The following OGDHL variants were observed in gnomAD, a reference collection of about 807,000 sequenced individuals.
The protein encoded by OGDHL is oxoglutarate dehydrogenase L.
A neutral mutation model predicts 109.6 loss-of-function variants in OGDHL; 79 were observed. The ratio of observed to expected loss-of-function variants is 0.72; its 90% CI spans 0.60 to 0.87. The LOEUF is 0.87. Ranked by LOEUF, OGDHL falls within the 40% of genes least tolerant of loss-of-function variation. The pLI, the probability that OGDHL is intolerant of heterozygous loss-of-function variation, is 0.00. For synonymous variants in OGDHL, 528 were observed against 537.2 expected (o/e 0.98, Z 0.24); for missense variants, 1,275 against 1,362.2 (o/e 0.94, Z 1.01).
rs7084782 is a variant in OGDHL, at chr10:49,750,811, G to A, written c.896+28C>T. 1.8e-3 allele frequency: 2,776 copies of A among 1,585,878 alleles called. 37 individuals carry two copies. In the African/African-American group the frequency reaches 0.028, roughly 16 times the overall value. Reference sequence around the variant, plus strand: ...TGTCCCCTGGGCTGGAGGAGAATGCGCAAGGCACAGCAGGGAGGGGGACCC... The same window carrying A: ...TGTCCCCTGGGCTGGAGGAGAATGCACAAGGCACAGCAGGGAGGGGGACCC... On this transcript the variant is annotated intron_variant, in intron 7 of 22. Coordinates refer to ENST00000374103, the MANE Select transcript of OGDHL (RefSeq NM_018245.3).
chr10:49,742,402 C>T, intron 15 of OGDHL, among the ~76,000 whole-genome samples: 1 of 141,176 alleles, frequency 7.1e-6, no homozygotes. Flanking sequence ...CCACACACAC[C>T]ACACACACCA....
chr10:49,736,313 G>A lies in OGDHL; in HGVS notation c.2754+44C>T, dbSNP rs781154021. 15 of 1,608,600 alleles carry A rather than the reference G, an allele frequency of 9.3e-6. No homozygotes were observed. In the East Asian group the frequency reaches 1.6e-4, roughly 17 times the overall value. On this transcript the variant is annotated intron_variant, in intron 21 of 22. Transcript: ENST00000374103. ...ATTGGCCAGAGCCGGGGCCAGCGAC[G>A]TGAGCTTGCCCATCACTTGACTGTA...
Position 49,737,844 on chromosome 10 carries a change from T to C in OGDHL, c.2532A>G (p.Thr844=). 1 of 1,614,006 alleles carries C rather than the reference T, an allele frequency of 6.2e-7. No homozygotes were observed. The highest frequency in any genetic ancestry group is 8.5e-7 in the Non-Finnish European group (1 of 1,179,984). The part of the protein sequence containing the change: ...LPFRKPLIIF[T]PKSLLRHPEA... The stretch of plus-strand genomic sequence containing the variant: ...CTGGGTGCCTCAGCAGAGATTTAGG[T>C]GTGAAGATAATCAGCTGGAAGGGAA... The change falls in exon 20 of 23, where the codon ACA becomes ACG. Residue 844 remains threonine, a synonymous_variant. Coordinates refer to ENST00000374103, the MANE Select transcript of OGDHL (RefSeq NM_018245.3).
At chr10:49,740,634 C>T in intron 16 of OGDHL, 76 bp downstream of exon 16, 2 of 1,537,666 alleles carry the variant, frequency 1.3e-6, no homozygotes, top group Admixed American at 1.9e-5. Context: ...AGGCCCTGGC[C>T]CCGGTCCCTT....
chr10:49,742,556 C>T (rs1007469336), intron 15 of OGDHL, among the ~76,000 whole-genome samples: 11 of 122,910 alleles, frequency 8.9e-5, no homozygotes, highest in African/African-American at 3.1e-4. Context: ...ACAACTCGCC[C>T]ACACTCACCA....
Position 49,748,246 on chromosome 10 carries a change from C to T in OGDHL, c.988-1038G>A, listed in dbSNP as rs112277673. ...TTTAGCTGTAAGAAGCCTGGGGTAG[C>T]CCATGTGTGCAGGCAGGAAACAATG... On this transcript the variant is annotated intron_variant, in intron 8 of 22. Transcript: ENST00000374103. Among the ~76,000 whole-genome samples the T allele has an allele frequency of 6.8e-3, 1,041 of 152,286 alleles. 13 individuals carry two copies. The highest frequency in any genetic ancestry group is 0.022 in the African/African-American group (921 of 41,554).
At chr10:49,739,938 C>T in intron 16 of OGDHL, 99 bp from the exon 17 acceptor site, 2 of 1,257,538 alleles carry the variant, frequency 1.6e-6, no homozygotes, top group Non-Finnish European at 2.2e-6. Context: ...CATGCCCCCA[C>T]CCATCCTTCT....
intron 2 of OGDHL, 51 bp from the exon 3 acceptor site, chr10:49,756,997 C>A: frequency 6.4e-7 from 1 of 1,567,040 alleles, no homozygotes; most frequent in South Asian, 1.2e-5. Flanking sequence ...TGGGAAGAGT[C>A]AGGGGTGGCC....
chr10:49,758,335 C>T, intron 2 of OGDHL, 54 bp downstream of exon 2: 3 of 1,540,216 alleles, frequency 1.9e-6, no homozygotes, highest in Non-Finnish European at 2.6e-6. Flanking sequence ...CACAGCCCGG[C>T]CCCCGAGGGC....
rs371606512 is a variant in OGDHL, at chr10:49,736,128, G to A, written c.2804C>T (p.Pro935Leu). ...CTGACACCAGGCCAGCTCCGCACCT[G>A]GGTACTTCTCTGCCTCCTGCTTGAT... ...DLIKQEAEKY[P>L]GAELAWCQEE... The change falls in exon 22 of 23, where the codon CCA becomes CTA. Residue 935 changes from proline to leucine, a missense_variant. By Grantham distance (98) the Pro-to-Leu change is moderately conservative (BLOSUM62 -3). Transcript: ENST00000374103. 2.5e-6 allele frequency: 4 copies of A among 1,610,906 alleles called. No homozygotes were observed. In the African/African-American group the frequency reaches 4.0e-5, roughly 16 times the overall value.
rs1440093400 is a variant in OGDHL at position 49,749,808 on chromosome 10, A to G, written c.905T>C (p.Leu302Pro). The change falls in exon 8 of 23, where the codon CTG (leucine) becomes CCG (proline). Residue 302 changes from leucine to proline, a missense_variant. Leu to Pro is a moderately conservative substitution (Grantham distance 98, BLOSUM62 -3). Transcript: ENST00000374103. Reference protein sequence around the residue: ...VILGMPHRGRLNVLANVIRKD... With the variant: ...VILGMPHRGRPNVLANVIRKD... ...GCGGATCACGTTGGCCAGCACGTTC[A>G]GCCTTCCCCTGGAGCCAGAGGGGCC... 1 of 1,595,692 alleles carries G rather than the reference A, an allele frequency of 6.3e-7. No individual in the cohort carries two copies. The highest frequency in any genetic ancestry group is 1.3e-5 in the African/African-American group (1 of 74,842).
Position 49,745,464 on chromosome 10 carries a change from C to G in OGDHL, c.1509G>C (p.Met503Ile), listed in dbSNP as rs1227323670. The G allele has an allele frequency of 6.2e-7, 1 of 1,614,120 alleles. No individual in the cohort carries two copies. Among genetic ancestry groups the G allele is most frequent in the Admixed American group, 1.7e-5 (1 of 60,024 alleles). ...GCGGCTGGGTGAACATGGGCTCGTC[C>G]ATCTCATTGTGGCCACGCCGGCGGT... ...VCYRRRGHNE[M>I]DEPMFTQPLM... The change falls in exon 12 of 23, where the codon ATG (methionine) becomes ATC (isoleucine). Residue 503 changes from methionine to isoleucine, a missense_variant. Coordinates refer to ENST00000374103, the MANE Select transcript of OGDHL (RefSeq NM_018245.3).
intron 14 of OGDHL, 145 bp from the exon 15 acceptor site, chr10:49,743,123 G>A (rs955051699): frequency 1.9e-6 from 2 of 1,074,220 alleles, no homozygotes; most frequent in Admixed American, 5.3e-5. Flanking sequence ...GAGGGCCCAG[G>A]GCCAGGCACC....
chr10:49,753,888 TAAA>T (rs63200161), intron 3 of OGDHL, among the ~76,000 whole-genome samples: 103 of 87,264 alleles, frequency 1.2e-3, no homozygotes, highest in African/African-American at 3.2e-3. Flanking sequence ...AAACTCCATC[TAAA>T]AAAAAAAAAA....
Position 49,758,533 on chromosome 10 carries a change from A to T in OGDHL, c.60T>A (p.Ala20=), listed in dbSNP as rs1164928076. The stretch of plus-strand genomic sequence containing the variant: ...AGCCAAACACCGGGACGTCATGTGC[A>T]GCCAGGAGCCTCGCAGCCTGTACCC... The part of the protein sequence containing the change: ...RLGVQAARLL[A]AHDVPVFGWR... Residue 20 remains alanine, a synonymous_variant, in exon 2 of 23, where the codon GCT becomes GCA. Transcript: ENST00000374103. 1.2e-6 allele frequency: 2 copies of T among 1,613,826 alleles called. No homozygotes were observed. Among genetic ancestry groups the T allele is most frequent in the East Asian group, 2.2e-5 (1 of 44,888 alleles).
chr10:49,749,153 G>A (rs1842412174), intron 8 of OGDHL, among the ~76,000 whole-genome samples: 1 of 152,078 alleles, frequency 6.6e-6, no homozygotes, highest in Non-Finnish European at 1.5e-5. Flanking sequence ...AGGTTGCAGT[G>A]AGCCAAGATC....
At chr10:49,737,299 C>T (rs1483945245) in intron 20 of OGDHL, among the ~76,000 whole-genome samples, 1 of 152,132 alleles carries the variant, frequency 6.6e-6, no homozygotes, top group East Asian at 1.9e-4. Flanking sequence ...TTTTCCAAGA[C>T]AGCTCTGCTC....
chr10:49,749,115 A>G (rs1010873337), intron 8 of OGDHL, among the ~76,000 whole-genome samples: 1 of 152,184 alleles, frequency 6.6e-6, no homozygotes, highest in Non-Finnish European at 1.5e-5. Flanking sequence ...AGGTTGAGGC[A>G]GGAGAATCGC....
rs1359016521 is a variant in OGDHL at position 49,752,254 on chromosome 10, G to C, written c.479-6C>G. 6.2e-7 allele frequency: 1 copy of C among 1,611,074 alleles called. No homozygotes were observed. Among genetic ancestry groups the C allele is most frequent in the Non-Finnish European group, 8.5e-7 (1 of 1,177,608 alleles). ...CTCCTGAAGGTCATAGAAGGCTGGA[G>C]AAGGAGGCGTGGCCGAGCCCCGGGC... is the stretch of plus-strand genomic sequence containing the variant. On this transcript the variant is annotated splice_region_variant and splice_polypyrimidine_tract_variant and intron_variant, in intron 4 of 22. Transcript: ENST00000374103.
Sources: gnomAD v4.1 joint callset for allele counts (sites outside exome capture counted in the v4.1 genomes callset) on GRCh38, gnomAD v4.1.1 for gene constraint, MANE v1.5 for transcripts, NCBI Gene and HGNC (gene_info 2026-07-23, HGNC 2026-07-21) for gene names.